VIPAS39: variants seen among roughly 807,000 people sequenced by gnomAD.
VIPAS39 encodes the protein spermatogenesis-defective protein 39 homolog.
Under a neutral mutation model 84.7 loss-of-function variants are expected in VIPAS39, and 63 were observed. The ratio of observed to expected loss-of-function variants is 0.74; its 90% CI spans 0.61 to 0.92. The LOEUF is 0.92. Among genes scored for constraint, VIPAS39 ranks in the 40% least tolerant of loss-of-function variants. VIPAS39 has a pLI of 0.00. For synonymous variants in VIPAS39, 192 were observed against 216.5 expected (o/e 0.89, Z 0.99); for missense variants, 499 against 604.5 (o/e 0.83, Z 1.83).
At chr14:77,441,507 GA>G (rs2078702746) in intron 10 of VIPAS39, among the ~76,000 whole-genome samples, 8 of 152,230 alleles carry the variant, frequency 5.3e-5, no homozygotes, top group Middle Eastern at 3.4e-3. Flanking sequence ...GGAGCACCAG[GA>G]CTTTTGTCTT....
rs1484040921 is a variant in VIPAS39 at position 77,434,301 on chromosome 14, C to A, written c.1050G>T (p.Gly350=). The A allele has an allele frequency of 2.5e-6, 4 of 1,614,074 alleles. No individual in the cohort carries two copies. The Admixed American group carries it at 6.7e-5, about 27-fold the overall frequency. The part of the protein sequence containing the change: ...SCFYHYTEAE[G]TFSSPVNLKK... ...TCAGGTTGACGGGACTGCTGAATGT[C>A]CCCTAGGATGAAAGTGAAAAAGGAA... Residue 350 remains glycine (G), a splice_region_variant and synonymous_variant, in exon 15 of 20, where the codon GGG becomes GGT. Transcript: ENST00000557658.
intron 11 of VIPAS39, among the ~76,000 whole-genome samples, chr14:77,439,224 T>C (rs894189347): frequency 6.6e-6 from 1 of 152,126 alleles, no homozygotes; most frequent in Non-Finnish European, 1.5e-5. Context: ...AATTCGAACA[T>C]AATGAGTATA....
Position 77,433,946 on chromosome 14 carries a change from C to G in VIPAS39, c.1090-15G>C. 6.2e-7 allele frequency: 1 copy of G among 1,613,400 alleles called. No homozygotes were observed. Among genetic ancestry groups the G allele is most frequent in the Non-Finnish European group, 8.5e-7 (1 of 1,179,648 alleles). ...TTATCTGGGATCTGGAAAGCAGAGA[C>G]CGAGAAAAATTAAGGGGAAGTAGAA... On this transcript the variant is annotated splice_polypyrimidine_tract_variant and intron_variant, in intron 15 of 19. Transcript: ENST00000557658.
rs1448854832 is a variant in VIPAS39 at position 77,429,729 on chromosome 14, G to A, written c.1218C>T (p.Gly406=). 6.2e-7 allele frequency: 1 copy of A among 1,614,064 alleles called. No individual in the cohort carries two copies. Among genetic ancestry groups the A allele is most frequent in the Non-Finnish European group, 8.5e-7 (1 of 1,180,030 alleles). Residue 406 remains glycine, a synonymous_variant, in exon 17 of 20, where the codon GGC becomes GGT. Transcript: ENST00000557658. ...LGYTKKRAPI[G]FHRVVEILHK... Reference sequence around the variant, plus strand: ...GCAAAATTTCGACAACCCGATGGAAGCCAATGGGTGCTCTCTTCTTGGTAT... The same window carrying A: ...GCAAAATTTCGACAACCCGATGGAAACCAATGGGTGCTCTCTTCTTGGTAT...
rs1049371869 is a variant in VIPAS39 at position 77,427,415 on chromosome 14, A to G, written c.*201T>C. On this transcript the variant is annotated 3_prime_UTR_variant, in exon 20 of 20. Coordinates refer to ENST00000557658, the MANE Select transcript of VIPAS39 (RefSeq NM_001193315.2). Reference sequence around the variant, plus strand: ...TGGAGAGAATCATTCTCATGACTCAAAGCTTTAGATCTCGATCCTCAGATG... The same window carrying G: ...TGGAGAGAATCATTCTCATGACTCAGAGCTTTAGATCTCGATCCTCAGATG... 25 of 627,908 alleles carry G rather than the reference A, an allele frequency of 4.0e-5. No individual in the cohort carries two copies. Among genetic ancestry groups the G allele is most frequent in the Non-Finnish European group, 6.7e-5 (24 of 359,616 alleles). The allele number at this position is 627,908 out of a possible 1,614,324, so 38.9% of individuals were successfully genotyped here.
rs75426988 is a variant in VIPAS39 at position 77,455,588 on chromosome 14, C to T, written c.1-1486G>A. On this transcript the variant is annotated intron_variant, in intron 1 of 19. Transcript: ENST00000557658. ...AGGACTGGGTATAAAACTCCCACAG[C>T]ACCAAAAATAACTGTAAAGGCTAAA... Among the ~76,000 whole-genome samples, 759 of 152,272 alleles carry T rather than the reference C, an allele frequency of 5.0e-3. 7 individuals carry two copies. The highest frequency in any genetic ancestry group is 0.017 in the African/African-American group (721 of 41,554).
intron 1 of VIPAS39, among the ~76,000 whole-genome samples, chr14:77,456,343 A>C (rs943284602): frequency 1.3e-5 from 2 of 152,248 alleles, no homozygotes; most frequent in African/African-American, 4.8e-5. Context: ...TTTTTTAGCA[A>C]TCCTAAAGAT....
At chr14:77,439,916 G>A (rs2078673772) in intron 11 of VIPAS39, among the ~76,000 whole-genome samples, 1 of 152,116 alleles carries the variant, frequency 6.6e-6, no homozygotes, top group South Asian at 2.1e-4. Context: ...TCCTGCCATC[G>A]ACAGTGCTGA....
rs763977135 is a variant in VIPAS39 at position 77,429,782 on chromosome 14, TG to T, written c.1180-16del. 1.5e-5 allele frequency: 24 copies of T among 1,612,814 alleles called. 1 individual carries two copies. Among genetic ancestry groups the T allele is most frequent in the Non-Finnish European group, 2.0e-5 (24 of 1,178,890 alleles). The stretch of plus-strand genomic sequence containing the variant: ...CCCAGCCAGTTCTGAAAGAGGAAGA[TG>T]GGGTAGCGGCAGGTAGGCCAGGCAC... On this transcript the variant is annotated splice_polypyrimidine_tract_variant and intron_variant, in intron 16 of 19. Coordinates refer to ENST00000557658, the MANE Select transcript of VIPAS39 (RefSeq NM_001193315.2).
intron 3 of VIPAS39, among the ~76,000 whole-genome samples, chr14:77,451,537 T>C (rs1457715799): frequency 6.6e-6 from 1 of 152,214 alleles, no homozygotes; most frequent in South Asian, 2.1e-4. Flanking sequence ...AAAATTCAAA[T>C]GGCTCTTCAA....
At chr14:77,436,407 T>C (rs570564545) in intron 12 of VIPAS39, among the ~76,000 whole-genome samples, 1 of 152,280 alleles carries the variant, frequency 6.6e-6, no homozygotes, top group South Asian at 2.1e-4. Flanking sequence ...ATATCACAAA[T>C]GTCAAGGGTC....
At chr14:77,432,070 C>A (rs924205537) in intron 16 of VIPAS39, among the ~76,000 whole-genome samples, 1 of 152,016 alleles carries the variant, frequency 6.6e-6, no homozygotes, top group African/African-American at 2.4e-5. Flanking sequence ...TAGTACTGTA[C>A]TGTAATCAGG....
rs2078466327 is a variant in VIPAS39 at position 77,428,470 on chromosome 14, T to G, written c.1361A>C (p.Tyr454Ser). ...FKCHDVVIDT[Y>S]RDLKDRQQLL... ...CTGTTGACGATCCTTCAGGTCCCGGTAGGTCTGTGCATCAAAACAAACAAT... is the reference window on the plus strand; with the variant it reads ...CTGTTGACGATCCTTCAGGTCCCGGGAGGTCTGTGCATCAAAACAAACAAT... The change falls in exon 19 of 20, where the codon TAC (tyrosine) becomes TCC (serine). Residue 454 changes from tyrosine to serine, a missense_variant. Coordinates refer to ENST00000557658, the MANE Select transcript of VIPAS39 (RefSeq NM_001193315.2). 6.2e-7 allele frequency: 1 copy of G among 1,613,846 alleles called. No homozygotes were observed. Among genetic ancestry groups the G allele is most frequent in the African/African-American group, 1.3e-5 (1 of 75,006 alleles).
rs1237031034 is a variant in VIPAS39, at chr14:77,434,308, G to A, written c.1048-5C>T. On this transcript the variant is annotated splice_polypyrimidine_tract_variant and splice_region_variant and intron_variant, in intron 14 of 19. Transcript: ENST00000557658. The stretch of plus-strand genomic sequence containing the variant: ...GACGGGACTGCTGAATGTCCCCTAG[G>A]ATGAAAGTGAAAAAGGAACTTTAGT... The A allele has an allele frequency of 2.9e-5, 47 of 1,613,972 alleles. No individual in the cohort carries two copies. The highest frequency in any genetic ancestry group is 4.0e-5 in the Non-Finnish European group (47 of 1,179,938).
At chr14:77,452,497 G>A (rs1364450420) in intron 3 of VIPAS39, among the ~76,000 whole-genome samples, 5 of 151,572 alleles carry the variant, frequency 3.3e-5, no homozygotes, top group African/African-American at 1.2e-4. Flanking sequence ...AAATCAGATG[G>A]GGACCAGGGA....
chr14:77,448,253 C>G (rs990094051), intron 7 of VIPAS39, among the ~76,000 whole-genome samples: 2 of 152,180 alleles, frequency 1.3e-5, no homozygotes, highest in Admixed American at 1.3e-4. Context: ...CACCCCTGGC[C>G]CTGGCCTCTC....
Position 77,427,356 on chromosome 14 carries a change from T to TTA in VIPAS39, c.*259_*260insTA. On this transcript the variant is annotated 3_prime_UTR_variant, in exon 20 of 20. Coordinates refer to ENST00000557658, the MANE Select transcript of VIPAS39 (RefSeq NM_001193315.2). The stretch of plus-strand genomic sequence containing the variant: ...GATCTTACCCAGTAGGGGCCCAATC[T>TTA]AGAAATCACTCCCACCTTCATATGA... 1 of 545,326 alleles carries TTA rather than the reference T, an allele frequency of 1.8e-6. No homozygotes were observed. The highest frequency in any genetic ancestry group is 2.2e-5 in the South Asian group (1 of 45,538). 33.8% of individuals were successfully genotyped at this position (545,326 alleles called of 1,614,324 possible). A position where few individuals can be genotyped will look rare whatever the true frequency, so the allele number is the denominator to read the frequency against.
chr14:77,449,646 A>T, intron 5 of VIPAS39, 68 bp downstream of exon 5: 1 of 1,597,670 alleles, frequency 6.3e-7, no homozygotes, highest in Non-Finnish European at 8.6e-7. Flanking sequence ...ACCTGTCCCC[A>T]TAACTCCCCA....
chr14:77,445,227 G>A (rs1566733550), intron 7 of VIPAS39, among the ~76,000 whole-genome samples: 1 of 152,178 alleles, frequency 6.6e-6, no homozygotes, highest in African/African-American at 2.4e-5. Context: ...CCAAGGTGCT[G>A]GGATTACAGG....
Sources: gnomAD v4.1 joint callset for allele counts (sites outside exome capture counted in the v4.1 genomes callset) on GRCh38, gnomAD v4.1.1 for gene constraint, MANE v1.5 for transcripts, NCBI Gene and HGNC (gene_info 2026-07-23, HGNC 2026-07-21) for gene names.